The following TMPO variants were observed in gnomAD, a reference collection of about 807,000 sequenced individuals.
The protein encoded by TMPO is LEM domain containing 4.
Under a neutral mutation model 45.4 loss-of-function variants are expected in TMPO, and 22 were observed. That is an observed-to-expected ratio of 0.48 (90% CI 0.35 to 0.69). TMPO has a LOEUF of 0.69. Ranked by LOEUF, TMPO falls within the 30% of genes least tolerant of loss-of-function variation. The pLI is 0.01. For synonymous variants in TMPO, 241 were observed against 204.1 expected (o/e 1.18, Z -1.54); for missense variants, 512 against 548.8 (o/e 0.93, Z 0.67).
In TMPO at chr12:98,527,772, A is replaced by T. The variant is rs190948333; in HGVS notation, c.280-114A>T. On this transcript the variant is annotated intron_variant, in intron 1 of 8. Coordinates refer to ENST00000556029, the MANE Select transcript of TMPO (RefSeq NM_001032283.3). ...AATTTAATGGAATTGCTAAGGCCTA[A>T]TATTACTATAAACCAATTTGGTAGT... 319 of 1,197,886 alleles carry T rather than the reference A, an allele frequency of 2.7e-4. 1 individual carries two copies. The highest frequency in any genetic ancestry group is 3.6e-4 in the Non-Finnish European group (297 of 818,888). 74.2% of individuals were successfully genotyped at this position (1,197,886 alleles called of 1,614,324 possible).
At chr12:98,530,776 C>T (rs1199038825) in intron 2 of TMPO, among the ~76,000 whole-genome samples, 2 of 152,082 alleles carry the variant, frequency 1.3e-5, no homozygotes, top group Non-Finnish European at 2.9e-5. Flanking sequence ...AGGTACAATC[C>T]GCTTACATGT....
At position 98,549,600 on chromosome 12, in the gene TMPO, T is replaced by G. The variant is rs1442884337; in HGVS notation, c.*1742T>G. On this transcript the variant is annotated 3_prime_UTR_variant, in exon 9 of 9. Coordinates refer to ENST00000556029, the MANE Select transcript of TMPO (RefSeq NM_001032283.3). ...CAATAGAATCAAATGAGACAAAAATTTTAAACTGACTCATTTGAGTTTCAA... is the reference window on the plus strand; with the variant it reads ...CAATAGAATCAAATGAGACAAAAATGTTAAACTGACTCATTTGAGTTTCAA... The G allele has an allele frequency of 1.3e-5, 2 of 149,566 alleles. No homozygotes were observed. The highest frequency in any genetic ancestry group is 3.9e-4 in the East Asian group (2 of 5,068). The allele number at this position is 149,566 out of a possible 1,614,324, so 9.3% of individuals were successfully genotyped here.
At position 98,543,573 on chromosome 12, in the gene TMPO, C is replaced by T. The variant is rs527961772; in HGVS notation, c.664-657C>T. Reference sequence around the variant, plus strand: ...TTAATCTGAGGCAGCTGTTTTCTGTCTTTCTGTAGTGACATGGATAGCATT... The same window carrying T: ...TTAATCTGAGGCAGCTGTTTTCTGTTTTTCTGTAGTGACATGGATAGCATT... On this transcript the variant is annotated intron_variant, in intron 4 of 8. Transcript: ENST00000556029. 7.2e-5 allele frequency among the ~76,000 whole-genome samples: 11 copies of T among 152,260 alleles called. No homozygotes were observed. In the East Asian group the frequency reaches 2.1e-3, roughly 29 times the overall value.
chr12:98,542,443 G>A (rs995324218), intron 4 of TMPO, among the ~76,000 whole-genome samples: 1 of 139,072 alleles, frequency 7.2e-6, no homozygotes, highest in Non-Finnish European at 1.5e-5. Context: ...GGTAGTTGGG[G>A]GCATTTGCTT....
At chr12:98,533,385 A>G in intron 3 of TMPO, 1 of 1,614,238 alleles carries the variant, frequency 6.2e-7, no homozygotes, top group Non-Finnish European at 8.5e-7. Context: ...TTGCCCAGGC[A>G]ATCAGAGATT....
chr12:98,521,637 G>A (rs1053245264), intron 1 of TMPO, among the ~76,000 whole-genome samples: 1 of 152,102 alleles, frequency 6.6e-6, no homozygotes, highest in Non-Finnish European at 1.5e-5. Flanking sequence ...TACAGAGTTG[G>A]CAGTCTGCCT....
chr12:98,521,763 G>A (rs560461217), intron 1 of TMPO, among the ~76,000 whole-genome samples: 3 of 151,926 alleles, frequency 2.0e-5, no homozygotes, highest in South Asian at 4.1e-4. Context: ...GGAGTCTTGC[G>A]CTGTCATCCA....
intron 3 of TMPO, chr12:98,533,034 A>C (rs763296221): frequency 6.2e-7 from 1 of 1,613,634 alleles, no homozygotes; most frequent in Non-Finnish European, 8.5e-7. Flanking sequence ...TTGTTGCCAC[A>C]AACTTGCCTG....
At chr12:98,533,572 G>A in intron 3 of TMPO, 12 of 1,614,202 alleles carry the variant, frequency 7.4e-6, no homozygotes, top group Non-Finnish European at 1.0e-5. Context: ...GTCAGTGGAG[G>A]AAAGGGATTC....
rs910746839 is a variant in TMPO, at chr12:98,516,080, C to G, written c.213C>G (p.Arg71=). 1.0e-5 allele frequency: 16 copies of G among 1,600,372 alleles called. No homozygotes were observed. The African/African-American group carries it at 1.9e-4, about 19-fold the overall frequency. The change falls in exon 1 of 9, where the codon CGC becomes CGG. Residue 71 remains arginine, a synonymous_variant. Coordinates refer to ENST00000556029, the MANE Select transcript of TMPO (RefSeq NM_001032283.3). ...CGGACTTCTCCAGTGACGAAGAGCG[C>G]GAGCCCACCCCGGTCCTCGGCTCTG... is the stretch of plus-strand genomic sequence containing the variant. ...GPPDFSSDEE[R]EPTPVLGSGA...
intron 3 of TMPO, 104 bp from the exon 4 acceptor site, chr12:98,537,371 A>G: frequency 1.1e-6 from 1 of 912,624 alleles, no homozygotes; most frequent in Admixed American, 2.3e-5. Flanking sequence ...CTTGTTTTTC[A>G]CCTTTTAATG....
In TMPO at chr12:98,528,025, A is replaced by C. The variant is rs960298204; in HGVS notation, c.406+13A>C. On this transcript the variant is annotated intron_variant, in intron 2 of 8. Coordinates refer to ENST00000556029, the MANE Select transcript of TMPO (RefSeq NM_001032283.3). The stretch of plus-strand genomic sequence containing the variant: ...GGTCCTATTGTGGGTAAGTTGATAA[A>C]ATTTCAAATACAGTATCTTTTCTCT... 1.1e-5 allele frequency: 17 copies of C among 1,613,734 alleles called. No individual in the cohort carries two copies. Among genetic ancestry groups the C allele is most frequent in the Non-Finnish European group, 1.4e-5 (17 of 1,179,822 alleles).
Position 98,550,069 on chromosome 12 carries a change from A to G in TMPO, c.*2211A>G, listed in dbSNP as rs979867920. 6.6e-6 allele frequency: 1 copy of G among 152,230 alleles called. No individual in the cohort carries two copies. The highest frequency in any genetic ancestry group is 1.5e-5 in the Non-Finnish European group (1 of 68,036). 9.4% of individuals were successfully genotyped at this position (152,230 alleles called of 1,614,324 possible). ...ATTTAGTGTTTAAAAATGTGGGGAG[A>G]TAAATCAGACTTAACATGTATGTAA... On this transcript the variant is annotated 3_prime_UTR_variant, in exon 9 of 9. Transcript: ENST00000556029.
intron 1 of TMPO, among the ~76,000 whole-genome samples, chr12:98,523,815 A>G (rs1292671535): frequency 2.0e-5 from 3 of 152,110 alleles, no homozygotes; most frequent in Non-Finnish European, 4.4e-5. Flanking sequence ...AGCTAGGACT[A>G]TAGGCGTGTG....
intron 1 of TMPO, among the ~76,000 whole-genome samples, chr12:98,518,936 C>T (rs1876113588): frequency 1.3e-5 from 2 of 151,298 alleles, no homozygotes; most frequent in South Asian, 2.1e-4. Context: ...GTCTGGGGTG[C>T]GGTGGCGCGA....
intron 2 of TMPO, among the ~76,000 whole-genome samples, chr12:98,529,245 G>A (rs1328433615): frequency 6.6e-6 from 1 of 151,764 alleles, no homozygotes; most frequent in African/African-American, 2.4e-5. Flanking sequence ...GTAGAGATGG[G>A]GTTTTGCCAT....
intron 1 of TMPO, 39 bp from the exon 2 acceptor site, chr12:98,527,847 T>TTAA: frequency 6.2e-7 from 1 of 1,611,224 alleles, no homozygotes; most frequent in Non-Finnish European, 8.5e-7. Context: ...AGTGAACACT[T>TTAA]TAATTCATAT....
intron 1 of TMPO, among the ~76,000 whole-genome samples, chr12:98,521,962 C>T (rs551649710): frequency 5.9e-5 from 9 of 152,094 alleles, no homozygotes; most frequent in African/African-American, 1.9e-4. Flanking sequence ...TCCTTCCTGA[C>T]TTTGTGATCT....
chr12:98,533,108 A>T, intron 3 of TMPO: 1 of 1,614,154 alleles, frequency 6.2e-7, no homozygotes. Flanking sequence ...AAGTCTAGCC[A>T]TGATAGGTGT....
Sources: allele counts gnomAD v4.1 joint callset (sites outside exome capture counted in the v4.1 genomes callset), GRCh38; gene constraint gnomAD v4.1.1; transcripts MANE v1.5; gene names NCBI Gene and HGNC (gene_info 2026-07-23, HGNC 2026-07-21).